ARHGAP15: variants seen among roughly 807,000 people sequenced by gnomAD.
The protein encoded by ARHGAP15 is Rho GTPase activating protein 15.
ARHGAP15 carries 51 observed loss-of-function variants against 63.7 expected under a neutral mutation model. That is an observed-to-expected ratio of 0.80 (90% CI 0.64 to 1.01). ARHGAP15 has a LOEUF of 1.01. Among genes scored for constraint, ARHGAP15 ranks in the 50% least tolerant of loss-of-function variants. The pLI is 0.00. For synonymous variants in ARHGAP15, 191 were observed against 193.8 expected, an observed-to-expected ratio of 0.99 and a Z score of 0.12; for missense variants, 560 against 564.6, an observed-to-expected ratio of 0.99 and a Z score of 0.08.
intron 6 of ARHGAP15, among the ~76,000 whole-genome samples, chr2:143,277,999 C>T (rs890908662): frequency 6.6e-6 from 1 of 152,080 alleles, no homozygotes; most frequent in Non-Finnish European, 1.5e-5. Flanking sequence ...ACAATTCCCT[C>T]CAGGTTGTAT....
In ARHGAP15 at chr2:143,435,665, G is replaced by A. The variant is rs1689582624; in HGVS notation, c.539G>A (p.Trp180Ter). 6.3e-7 allele frequency: 1 copy of A among 1,597,220 alleles called. No homozygotes were observed. Among genetic ancestry groups the A allele is most frequent in the Admixed American group, 1.7e-5 (1 of 58,308 alleles). ...QSDIDFIILDWFHAIKNAIDR... is the reference protein window; with the variant it reads ...QSDIDFIILD ...GATATTGACTTCATCATATTGGATT[G>A]GTTCCACGCTATCAAAAATGCAATT... The change falls in exon 7 of 14, where the codon TGG becomes TAG. Residue 180 changes from tryptophan (W) to a stop codon, truncating the protein, a stop_gained. Coordinates refer to ENST00000295095, the MANE Select transcript of ARHGAP15 (RefSeq NM_018460.4). LOFTEE classifies it high-confidence loss of function.
At chr2:143,177,106 TGAG>T (rs1203797677) in intron 2 of ARHGAP15, among the ~76,000 whole-genome samples, 2 of 152,194 alleles carry the variant, frequency 1.3e-5, no homozygotes, top group East Asian at 3.8e-4. Flanking sequence ...ATTCTCACAG[TGAG>T]GAGTATTGTG....
intron 12 of ARHGAP15, among the ~76,000 whole-genome samples, chr2:143,666,112 G>T (rs1317045300): frequency 2.0e-5 from 3 of 151,502 alleles, no homozygotes; most frequent in African/African-American, 4.8e-5. Flanking sequence ...CATCCCCAAG[G>T]CAATCCTAAG....
intron 12 of ARHGAP15, among the ~76,000 whole-genome samples, chr2:143,661,989 G>T (rs564268509): frequency 6.6e-6 from 1 of 152,354 alleles, no homozygotes; most frequent in African/African-American, 2.4e-5. Context: ...AGCGAGGCTG[G>T]GGGAGGGGCG....
chr2:143,155,485 T>A lies in ARHGAP15; in HGVS notation c.-6T>A, dbSNP rs2105009595. 2 of 1,602,348 alleles carry A rather than the reference T, an allele frequency of 1.2e-6. No individual in the cohort carries two copies. Among genetic ancestry groups the A allele is most frequent in the African/African-American group, 1.4e-5 (1 of 74,034 alleles). On this transcript the variant is annotated 5_prime_UTR_variant, in exon 2 of 14. Coordinates refer to ENST00000295095, the MANE Select transcript of ARHGAP15 (RefSeq NM_018460.4). Reference sequence around the variant, plus strand: ...ATTTTATATTTTATCAGGATAGCACTATAATATGCAGAAATCTACAAATTC... The same window carrying A: ...ATTTTATATTTTATCAGGATAGCACAATAATATGCAGAAATCTACAAATTC...
At chr2:143,688,612 T>C (rs1238607982) in intron 12 of ARHGAP15, among the ~76,000 whole-genome samples, 1 of 152,204 alleles carries the variant, frequency 6.6e-6, no homozygotes, top group Non-Finnish European at 1.5e-5. Context: ...CATCACTTAG[T>C]AGAATTACAT....
chr2:143,373,903 C>G (rs549850473), intron 6 of ARHGAP15, among the ~76,000 whole-genome samples: 5 of 152,240 alleles, frequency 3.3e-5, no homozygotes, highest in Admixed American at 3.3e-4. Context: ...TATTGAGTTA[C>G]TCATGAACAA....
At chr2:143,601,502 A>G (rs992645414) in intron 11 of ARHGAP15, 1 of 152,172 alleles carries the variant, frequency 6.6e-6, no homozygotes, top group Admixed American at 6.6e-5. Flanking sequence ...GCTACACAGG[A>G]TTTGACCACT....
chr2:143,421,800 A>ATATATG (rs1322174239), intron 6 of ARHGAP15, among the ~76,000 whole-genome samples: 7 of 14,404 alleles, frequency 4.9e-4, no homozygotes, highest in Admixed American at 1.3e-3. Context: ...ATATATATAT[A>ATATATG]TGTGTGTGTT....
chr2:143,391,012 G>A (rs1479299164), intron 6 of ARHGAP15, among the ~76,000 whole-genome samples: 1 of 152,134 alleles, frequency 6.6e-6, no homozygotes, highest in African/African-American at 2.4e-5. Context: ...AGTTACCTGG[G>A]GTCTCCTGTG....
At chr2:143,507,879 A>G (rs927670818) in intron 9 of ARHGAP15, among the ~76,000 whole-genome samples, 1 of 152,018 alleles carries the variant, frequency 6.6e-6, no homozygotes, top group Non-Finnish European at 1.5e-5. Context: ...GATTACTTCC[A>G]TTGGATTCAT....
At chr2:143,403,959 C>G (rs940377681) in intron 6 of ARHGAP15, among the ~76,000 whole-genome samples, 15 of 151,374 alleles carry the variant, frequency 9.9e-5, no homozygotes, top group African/African-American at 3.6e-4. Flanking sequence ...AGGGGAGCCA[C>G]ATTACTCAAG....
intron 12 of ARHGAP15, chr2:143,656,234 C>T (rs1681426447): frequency 6.6e-6 from 1 of 152,176 alleles, no homozygotes; most frequent in African/African-American, 2.4e-5. Context: ...ACATAAATAA[C>T]TATCAATAAA....
chr2:143,298,281 AAG>A (rs994014756), intron 6 of ARHGAP15, among the ~76,000 whole-genome samples: 1 of 151,948 alleles, frequency 6.6e-6, no homozygotes, highest in Non-Finnish European at 1.5e-5. Flanking sequence ...AATGGTAAAA[AAG>A]GTAATGTTAG....
intron 6 of ARHGAP15, among the ~76,000 whole-genome samples, chr2:143,413,937 G>A (rs926558307): frequency 9.8e-5 from 8 of 82,020 alleles, no homozygotes; most frequent in Admixed American, 8.3e-4. Flanking sequence ...TTGTGTGTGT[G>A]TGTGTGTGTG....
chr2:143,564,622 T>C (rs1057233649), intron 11 of ARHGAP15, among the ~76,000 whole-genome samples: 2 of 152,114 alleles, frequency 1.3e-5, no homozygotes. Context: ...ATATACAAGA[T>C]TTGCATTTGA....
chr2:143,453,485 A>G (rs1690501356), intron 8 of ARHGAP15, among the ~76,000 whole-genome samples: 2 of 152,070 alleles, frequency 1.3e-5, no homozygotes, highest in Non-Finnish European at 2.9e-5. Context: ...TACTCAATAA[A>G]TGTTAATCAT....
chr2:143,183,097 A>G (rs1158504105), intron 2 of ARHGAP15, among the ~76,000 whole-genome samples: 1 of 152,220 alleles, frequency 6.6e-6, no homozygotes, highest in African/African-American at 2.4e-5. Flanking sequence ...CAAAGATTCA[A>G]AGTGGGATAC....
intron 6 of ARHGAP15, among the ~76,000 whole-genome samples, chr2:143,274,089 T>C (rs1469035308): frequency 6.6e-6 from 1 of 152,200 alleles, no homozygotes; most frequent in Non-Finnish European, 1.5e-5. Flanking sequence ...TAAAATGTCC[T>C]GTGAATCTTG....
Sources: allele counts gnomAD v4.1 joint callset (sites outside exome capture counted in the v4.1 genomes callset), GRCh38; gene constraint gnomAD v4.1.1; transcripts MANE v1.5; gene names NCBI Gene and HGNC (gene_info 2026-07-23, HGNC 2026-07-21).